The following IQCM variants were observed in gnomAD, a reference collection of about 807,000 sequenced individuals.
IQCM encodes IQ domain-containing protein M.
In IQCM, 45 loss-of-function variants were observed where a neutral mutation model predicts 57.6. The observed-to-expected ratio is 0.78, with a 90% confidence interval of 0.62 to 1.00. The LOEUF (loss-of-function observed/expected upper bound fraction) is 1.00, where lower values mean the gene tolerates loss of function less well. IQCM is among the 50% of genes least tolerant of loss of function. The pLI, the probability that IQCM is intolerant of heterozygous loss-of-function variation, is 0.00. For synonymous variants in IQCM, 148 were observed against 158.9 expected (o/e 0.93, Z 0.51); for missense variants, 468 against 511.6 (o/e 0.91, Z 0.82).
chr4:149,669,615 A>T (rs1179136631), intron 7 of IQCM, among the ~76,000 whole-genome samples: 2 of 152,196 alleles, frequency 1.3e-5, no homozygotes, highest in East Asian at 3.9e-4. Context: ...TTTAGGTCTA[A>T]CATTTAAGTC....
chr4:149,443,776 T>A (rs1184666079), intron 12 of IQCM, among the ~76,000 whole-genome samples: 1 of 150,076 alleles, frequency 6.7e-6, no homozygotes, highest in Non-Finnish European at 1.5e-5. Flanking sequence ...CTTCAACCCA[T>A]TTAAATACAT....
intron 5 of IQCM, among the ~76,000 whole-genome samples, chr4:149,697,433 G>A (rs999942661): frequency 1.3e-5 from 2 of 152,012 alleles, no homozygotes; most frequent in Non-Finnish European, 2.9e-5. Flanking sequence ...AAAAAAAAGA[G>A]TTGATTGTTA....
Position 149,672,728 on chromosome 4 carries a change from C to A in IQCM, c.565+9390G>T, listed in dbSNP as rs769789715. On this transcript the variant is annotated intron_variant, in intron 7 of 13. Transcript: ENST00000636793. ...TCAGGATATTTTCCAGGAGAACTTC[C>A]CCAGCCTAGGAAGGCACGCCAACAT... 4.0e-4 allele frequency among the ~76,000 whole-genome samples: 61 copies of A among 152,106 alleles called. 1 individual carries two copies. Among genetic ancestry groups the A allele is most frequent in the Admixed American group, 1.4e-3 (22 of 15,252 alleles).
chr4:149,664,402 A>G (rs1760503124), intron 7 of IQCM, among the ~76,000 whole-genome samples: 1 of 152,074 alleles, frequency 6.6e-6, no homozygotes, highest in Admixed American at 6.6e-5. Context: ...ATATCTGTGC[A>G]TCCAATGGAG....
chr4:149,557,962 G>A (rs1749747656), intron 10 of IQCM, among the ~76,000 whole-genome samples: 1 of 152,132 alleles, frequency 6.6e-6, no homozygotes, highest in Non-Finnish European at 1.5e-5. Flanking sequence ...TGTTTTCACT[G>A]CATGAACTTA....
intron 7 of IQCM, among the ~76,000 whole-genome samples, chr4:149,670,718 G>T (rs560133628): frequency 6.6e-6 from 1 of 152,212 alleles, no homozygotes; most frequent in African/African-American, 2.4e-5. Flanking sequence ...GGCCTTTTCT[G>T]CATCTATTGA....
chr4:149,791,604 C>T (rs762607121), intron 2 of IQCM, among the ~76,000 whole-genome samples: 2 of 152,136 alleles, frequency 1.3e-5, no homozygotes, highest in Admixed American at 1.3e-4. Flanking sequence ...TCCCAGCCTC[C>T]GGTAACTATC....
chr4:149,714,073 T>C (rs979340697), intron 5 of IQCM, among the ~76,000 whole-genome samples: 3 of 152,150 alleles, frequency 2.0e-5, no homozygotes, highest in Non-Finnish European at 4.4e-5. Flanking sequence ...GCTACTAAAA[T>C]AGTAGGTGTC....
At chr4:149,587,417 T>G (rs966269111) in intron 9 of IQCM, among the ~76,000 whole-genome samples, 1 of 151,816 alleles carries the variant, frequency 6.6e-6, no homozygotes, top group Non-Finnish European at 1.5e-5. Flanking sequence ...CCACAATTGC[T>G]TCTTTCAATC....
intron 12 of IQCM, among the ~76,000 whole-genome samples, chr4:149,466,560 A>G (rs958590755): frequency 9.2e-5 from 14 of 152,214 alleles, no homozygotes; most frequent in African/African-American, 3.1e-4. Flanking sequence ...CAAGAGGAGC[A>G]AAAATGCAGA....
intron 12 of IQCM, among the ~76,000 whole-genome samples, chr4:149,457,963 G>C (rs1737874844): frequency 6.6e-6 from 1 of 151,896 alleles, no homozygotes; most frequent in Admixed American, 6.6e-5. Flanking sequence ...ATCAGTAAAG[G>C]TGATGCGAGA....
chr4:149,355,852 T>A (rs2110881602), intron 13 of IQCM, among the ~76,000 whole-genome samples: 1 of 152,212 alleles, frequency 6.6e-6, no homozygotes, highest in African/African-American at 2.4e-5. Context: ...TAGTTTACAG[T>A]CCCACCAACA....
intron 13 of IQCM, among the ~76,000 whole-genome samples, chr4:149,376,962 C>A (rs904881601): frequency 6.6e-6 from 1 of 151,970 alleles, no homozygotes; most frequent in African/African-American, 2.4e-5. Flanking sequence ...AATAATGCTA[C>A]CACTCATACT....
intron 2 of IQCM, among the ~76,000 whole-genome samples, chr4:149,800,270 T>C (rs1026547526): frequency 1.3e-5 from 2 of 151,570 alleles, no homozygotes; most frequent in Non-Finnish European, 3.0e-5. Flanking sequence ...AATTAACACC[T>C]AAAAAAGTAT....
At chr4:149,786,271 A>G (rs1772073740) in intron 2 of IQCM, among the ~76,000 whole-genome samples, 1 of 152,240 alleles carries the variant, frequency 6.6e-6, no homozygotes, top group Non-Finnish European at 1.5e-5. Context: ...GAGCCAGGCA[A>G]GCTCCTTGAG....
intron 12 of IQCM, among the ~76,000 whole-genome samples, chr4:149,530,964 T>C (rs1388959129): frequency 1.3e-5 from 2 of 152,110 alleles, no homozygotes; most frequent in African/African-American, 4.8e-5. Context: ...ATTTATTTTC[T>C]GAGGAGTGGT....
chr4:149,476,716 G>A (rs529905335), intron 12 of IQCM, among the ~76,000 whole-genome samples: 70 of 152,080 alleles, frequency 4.6e-4, no homozygotes, highest in Admixed American at 1.2e-3. Context: ...AAGCTCTAGG[G>A]GAAAAAATGC....
chr4:149,630,569 T>TA (rs966928354), intron 7 of IQCM, among the ~76,000 whole-genome samples: 14 of 152,276 alleles, frequency 9.2e-5, no homozygotes, highest in East Asian at 1.9e-4. Flanking sequence ...ATTTGATTTT[T>TA]AAAAAAATAA....
chr4:149,371,240 C>A (rs939540769), intron 13 of IQCM, among the ~76,000 whole-genome samples: 3 of 152,128 alleles, frequency 2.0e-5, no homozygotes, highest in African/African-American at 7.2e-5. Flanking sequence ...CGTGGGGCAA[C>A]TTTCTACTAC....
Sources: allele counts gnomAD v4.1 joint callset (sites outside exome capture counted in the v4.1 genomes callset), GRCh38; gene constraint gnomAD v4.1.1; transcripts MANE v1.5; gene names NCBI Gene and HGNC (gene_info 2026-07-23, HGNC 2026-07-21).